Variants in BAZ2B observed in about 807,000 individuals in gnomAD.
The protein encoded by BAZ2B is bromodomain adjacent to zinc finger domain protein 2B.
BAZ2B carries 91 observed loss-of-function variants against 246.0 expected under a neutral mutation model. That is an observed-to-expected ratio of 0.37 (90% CI 0.31 to 0.44). BAZ2B has a LOEUF of 0.44. Among genes scored for constraint, BAZ2B ranks in the 20% least tolerant of loss-of-function variants. The probability of loss-of-function intolerance (pLI) is 1.00; values close to 1 mark genes in which losing one functional copy is unlikely to be tolerated. For synonymous variants in BAZ2B, 855 were observed against 860.0 expected (o/e 0.99, Z 0.10); for missense variants, 2,332 against 2,533.7 (o/e 0.92, Z 1.71).
chr2:159,344,619 C>T (rs1200039584), intron 31 of BAZ2B, among the ~76,000 whole-genome samples: 1 of 151,362 alleles, frequency 6.6e-6, no homozygotes, highest in African/African-American at 2.4e-5. Flanking sequence ...CAGAATGAAT[C>T]CAGGTATTCA....
intron 13 of BAZ2B, among the ~76,000 whole-genome samples, chr2:159,419,252 TAAGATATGA>T (rs1453967404): frequency 2.6e-5 from 4 of 152,240 alleles, no homozygotes; most frequent in African/African-American, 9.6e-5. Flanking sequence ...GTAAGTAATG[TAAGATATGA>T]AATTACCCTT....
chr2:159,666,045 A>G, the BAZ2B span, among the ~76,000 whole-genome samples: 3 of 151,034 alleles, frequency 2.0e-5, no homozygotes, highest in Non-Finnish European at 4.4e-5. Flanking sequence ...ACTTTTGTTC[A>G]TTTGTTAAAT....
At chr2:159,350,999 T>C (rs1216699697) in intron 27 of BAZ2B, among the ~76,000 whole-genome samples, 1 of 152,166 alleles carries the variant, frequency 6.6e-6, no homozygotes, top group Non-Finnish European at 1.5e-5. Flanking sequence ...ATGGCACATG[T>C]ATACATATGT....
chr2:159,382,760 A>G lies in BAZ2B; in HGVS notation c.3804T>C (p.Thr1268=). ...CTTCTCCCAGATCAATGCCACCTGA[A>G]GTGTCTCTTTTGCCTGTTTTCTTAG... ...IHAKKTGKRD[T]SGGIDLGEEQ... is the part of the protein sequence containing the mutation. The change falls in exon 25 of 37, where the codon ACT becomes ACC. Residue 1268 remains threonine (T), a synonymous_variant. Coordinates refer to ENST00000392783, the MANE Select transcript of BAZ2B (RefSeq NM_013450.4). 6.2e-6 allele frequency: 10 copies of G among 1,613,722 alleles called. No individual in the cohort carries two copies. Among genetic ancestry groups the G allele is most frequent in the Non-Finnish European group, 8.5e-6 (10 of 1,179,842 alleles).
chr2:159,654,152 T>C, the BAZ2B span, among the ~76,000 whole-genome samples: 1 of 152,148 alleles, frequency 6.6e-6, no homozygotes, highest in South Asian at 2.1e-4. Context: ...TCTCATTACA[T>C]GTTGTAATAT....
chr2:159,472,784 C>T (rs1193876207), intron 3 of BAZ2B, among the ~76,000 whole-genome samples: 1 of 152,052 alleles, frequency 6.6e-6, no homozygotes, highest in Non-Finnish European at 1.5e-5. Context: ...TGATGGATTA[C>T]GTTTATTGAT....
At chr2:159,415,381 G>C (rs1286943299) in intron 13 of BAZ2B, among the ~76,000 whole-genome samples, 1 of 146,172 alleles carries the variant, frequency 6.8e-6, no homozygotes, top group South Asian at 2.1e-4. Flanking sequence ...GGGGGTGGAG[G>C]TTGCAGTGAG....
At chr2:159,321,301 CTCA>C (rs1265976920) in intron 36 of BAZ2B, among the ~76,000 whole-genome samples, 1 of 152,054 alleles carries the variant, frequency 6.6e-6, no homozygotes, top group Non-Finnish European at 1.5e-5. Context: ...TTAAAAATAT[CTCA>C]TGAGTGTAAA....
intron 31 of BAZ2B, among the ~76,000 whole-genome samples, chr2:159,340,352 A>G (rs2066442463): frequency 6.6e-6 from 1 of 152,158 alleles, no homozygotes; most frequent in African/African-American, 2.4e-5. Context: ...GGGAAAGGTG[A>G]GGAAAAAAAA....
At chr2:159,598,379 C>T (rs539822752) in intron 1 of BAZ2B, among the ~76,000 whole-genome samples, 1 of 152,256 alleles carries the variant, frequency 6.6e-6, no homozygotes, top group East Asian at 1.9e-4. Context: ...TGCATGGGAA[C>T]AGTGTCAAAT....
At chr2:159,670,707 C>A in the BAZ2B span, 3 of 152,102 alleles carry the variant, frequency 2.0e-5, no homozygotes, top group Non-Finnish European at 4.4e-5. Context: ...CAGATATTTA[C>A]CATTTCTGAT....
At chr2:159,371,456 A>C (rs920002413) in intron 27 of BAZ2B, among the ~76,000 whole-genome samples, 2 of 152,114 alleles carry the variant, frequency 1.3e-5, no homozygotes, top group African/African-American at 4.8e-5. Context: ...TAATTTTTCT[A>C]TTGGGAAATA....
Position 159,603,138 on chromosome 2 carries a change from AAAAAAC to A in BAZ2B, c.-46+13098_-46+13103del, listed in dbSNP as rs560395986. On this transcript the variant is annotated intron_variant, in intron 1 of 36. Coordinates refer to ENST00000392783, the MANE Select transcript of BAZ2B (RefSeq NM_013450.4). ...GGCAACAGAGCGAGACTCCGTCTCA[AAAAAAC>A]AAAAACAAAAACAAAAAACTTAAAT... 3.9e-3 allele frequency among the ~76,000 whole-genome samples: 599 copies of A among 152,332 alleles called. 1 individual carries two copies. Among genetic ancestry groups the A allele is most frequent in the African/African-American group, 0.014 (569 of 41,554 alleles).
At chr2:159,710,316 C>A in the BAZ2B span, among the ~76,000 whole-genome samples, 1 of 150,738 alleles carries the variant, frequency 6.6e-6, no homozygotes, top group African/African-American at 2.4e-5. Flanking sequence ...TCAAGTGATT[C>A]TTCTGCCTCA....
At chr2:159,325,340 AGGCT>A (rs1437495761) in intron 35 of BAZ2B, among the ~76,000 whole-genome samples, 1 of 150,556 alleles carries the variant, frequency 6.6e-6, no homozygotes, top group Non-Finnish European at 1.5e-5. Context: ...CATGTTGGCC[AGGCT>A]GGTCTTGAAC....
intron 31 of BAZ2B, among the ~76,000 whole-genome samples, chr2:159,342,607 A>T (rs1342162841): frequency 6.6e-6 from 1 of 152,176 alleles, no homozygotes; most frequent in African/African-American, 2.4e-5. Flanking sequence ...TTGATACATG[A>T]ACAATGAATT....
intron 8 of BAZ2B, chr2:159,437,533 A>C (rs1346091321): frequency 6.6e-6 from 1 of 152,180 alleles, no homozygotes; most frequent in Non-Finnish European, 1.5e-5. Flanking sequence ...GTCTGGCCAG[A>C]AAAGTGATTC....
chr2:159,584,021 C>A (rs181083648), intron 1 of BAZ2B, among the ~76,000 whole-genome samples: 1 of 151,872 alleles, frequency 6.6e-6, no homozygotes, highest in African/African-American at 2.4e-5. Flanking sequence ...TAAAATGCTG[C>A]GAGGAAGATC....
the BAZ2B span, among the ~76,000 whole-genome samples, chr2:159,675,252 A>T: frequency 1.3e-5 from 2 of 152,090 alleles, no homozygotes; most frequent in African/African-American, 2.4e-5. Context: ...AATATTAAAA[A>T]TTTTTTAAAG....
Sources: gnomAD v4.1 joint callset for allele counts (sites outside exome capture counted in the v4.1 genomes callset) on GRCh38, gnomAD v4.1.1 for gene constraint, MANE v1.5 for transcripts, NCBI Gene and HGNC (gene_info 2026-07-23, HGNC 2026-07-21) for gene names.